Variants in MRTFB observed in about 807,000 individuals in gnomAD.
The protein encoded by MRTFB is myocardin-related transcription factor B.
Under a neutral mutation model 104.2 loss-of-function variants are expected in MRTFB, and 29 were observed. The observed-to-expected ratio is 0.28, with a 90% CI of 0.21 to 0.38. The LOEUF (loss-of-function observed/expected upper bound fraction) is 0.38, where lower values mean the gene tolerates loss of function less well. Ranked by LOEUF, MRTFB falls within the 10% of genes least tolerant of loss-of-function variation. The pLI is 1.00. For missense variants in MRTFB, 1,270 were observed against 1,341.6 expected, an observed-to-expected ratio of 0.95 and a Z score of 0.83; for synonymous variants, 535 against 519.5, an observed-to-expected ratio of 1.03 and a Z score of -0.41.
At chr16:14,089,798 T>C (rs2034942053) in intron 2 of MRTFB, among the ~76,000 whole-genome samples, 1 of 152,210 alleles carries the variant, frequency 6.6e-6, no homozygotes, top group South Asian at 2.1e-4. Flanking sequence ...TGGCAACACT[T>C]TTCCATGATT....
intron 2 of MRTFB, among the ~76,000 whole-genome samples, chr16:14,120,842 G>T (rs1177173993): frequency 6.6e-6 from 1 of 152,122 alleles, no homozygotes; most frequent in East Asian, 1.9e-4. Context: ...AGAACTCTGA[G>T]GACACAGGTA....
chr16:14,210,974 A>G (rs1057445150), intron 4 of MRTFB, among the ~76,000 whole-genome samples: 14 of 152,142 alleles, frequency 9.2e-5, no homozygotes, highest in Non-Finnish European at 2.1e-4. Flanking sequence ...TGTATAGGCC[A>G]TTAGGATTGT....
intron 2 of MRTFB, among the ~76,000 whole-genome samples, chr16:14,090,772 T>C (rs1410039601): frequency 1.3e-5 from 2 of 152,138 alleles, no homozygotes; most frequent in Non-Finnish European, 2.9e-5. Flanking sequence ...TATCTAGGAT[T>C]ATTGATATAA....
At chr16:14,045,013 T>G in the MRTFB span, among the ~76,000 whole-genome samples, 1 of 152,176 alleles carries the variant, frequency 6.6e-6, no homozygotes, top group African/African-American at 2.4e-5. Context: ...AAATTTCATC[T>G]GGGGTCTGGT....
chr16:14,048,292 T>C, the MRTFB span, among the ~76,000 whole-genome samples: 9 of 152,048 alleles, frequency 5.9e-5, no homozygotes, highest in Admixed American at 1.3e-4. Context: ...CCACAGGAAA[T>C]ACAATGGAAG....
chr16:14,006,113 C>G, the MRTFB span, among the ~76,000 whole-genome samples: 1 of 152,054 alleles, frequency 6.6e-6, no homozygotes, highest in Admixed American at 6.6e-5. Flanking sequence ...GAGGCTGAAG[C>G]GGGTGGATCA....
intron 2 of MRTFB, among the ~76,000 whole-genome samples, chr16:14,138,318 A>C (rs2037827190): frequency 1.3e-5 from 2 of 152,186 alleles, no homozygotes; most frequent in South Asian, 4.1e-4. Context: ...CTACATGTTT[A>C]CTATTCCTGA....
At chr16:14,168,889 A>G (rs1056109646) in intron 3 of MRTFB, among the ~76,000 whole-genome samples, 4 of 151,944 alleles carry the variant, frequency 2.6e-5, no homozygotes, top group South Asian at 2.1e-4. Flanking sequence ...CATTTTAACC[A>G]TTTCTGTGGG....
At chr16:14,006,708 CTT>C in the MRTFB span, among the ~76,000 whole-genome samples, 18,738 of 147,172 alleles carry the variant, frequency 0.13, 1,809 homozygotes, top group African/African-American at 0.27. Flanking sequence ...CCATATGCAA[CTT>C]TTTTTTTTTT....
chr16:14,119,809 C>T (rs1291100969), intron 2 of MRTFB, among the ~76,000 whole-genome samples: 2 of 151,984 alleles, frequency 1.3e-5, no homozygotes, highest in Non-Finnish European at 2.9e-5. Context: ...AAATAATGGC[C>T]TCGCATAGCA....
chr16:14,171,794 CTT>C (rs1204873892), intron 3 of MRTFB, among the ~76,000 whole-genome samples: 1 of 152,082 alleles, frequency 6.6e-6, no homozygotes, highest in African/African-American at 2.4e-5. Context: ...AACATGTGAA[CTT>C]TATGGTTTGT....
At chr16:14,080,865 C>T (rs62034418) in intron 2 of MRTFB, among the ~76,000 whole-genome samples, 1 of 152,158 alleles carries the variant, frequency 6.6e-6, no homozygotes, top group African/African-American at 2.4e-5. Context: ...AATAGTACTC[C>T]GTTGTGTATA....
the MRTFB span, among the ~76,000 whole-genome samples, chr16:14,034,000 A>G: frequency 1.3e-5 from 2 of 152,142 alleles, no homozygotes; most frequent in Non-Finnish European, 2.9e-5. Context: ...GTGTGTGGCT[A>G]TGAGTGCAGG....
the MRTFB span, among the ~76,000 whole-genome samples, chr16:14,001,471 C>T: frequency 3.3e-5 from 5 of 152,204 alleles, no homozygotes; most frequent in African/African-American, 9.6e-5. Flanking sequence ...AACCCATCAC[C>T]GTACCCAAAG....
At position 14,265,712 on chromosome 16, in the gene MRTFB, A is replaced by T. The variant is rs1048086585; in HGVS notation, c.*4268A>T. The T allele has an allele frequency of 1.3e-5, 2 of 152,200 alleles. No individual in the cohort carries two copies. Among genetic ancestry groups the T allele is most frequent in the African/African-American group, 4.8e-5 (2 of 41,446 alleles). The allele number at this position is 152,200 out of a possible 1,614,324, so 9.4% of individuals were successfully genotyped here. A position where few individuals can be genotyped will look rare whatever the true frequency, so the allele number is the denominator to read the frequency against. ...TGAAATCTTTCATGGAAGGCCTACA[A>T]TTCGAAAAGCTGCACATGTTTACAG... On this transcript the variant is annotated 3_prime_UTR_variant, in exon 17 of 17. Coordinates refer to ENST00000571589, the MANE Select transcript of MRTFB (RefSeq NM_001308142.2).
intron 3 of MRTFB, chr16:14,200,647 A>C (rs774951704): frequency 3.2e-6 from 5 of 1,566,326 alleles, no homozygotes; most frequent in Non-Finnish European, 4.4e-6. Flanking sequence ...ACGTTGATGA[A>C]GATGGAAAGA....
At chr16:14,130,438 T>G (rs983710712) in intron 2 of MRTFB, among the ~76,000 whole-genome samples, 1 of 152,182 alleles carries the variant, frequency 6.6e-6, no homozygotes, top group Non-Finnish European at 1.5e-5. Flanking sequence ...TCCTAGAAAA[T>G]CAATTCCTGG....
intron 2 of MRTFB, among the ~76,000 whole-genome samples, chr16:14,101,684 G>T (rs1177350386): frequency 6.6e-6 from 1 of 152,110 alleles, no homozygotes; most frequent in Admixed American, 6.6e-5. Flanking sequence ...TTGAAGAGGA[G>T]GAAAACTTGG....
At chr16:14,222,951 C>T (rs1567184964) in intron 8 of MRTFB, among the ~76,000 whole-genome samples, 1 of 151,814 alleles carries the variant, frequency 6.6e-6, no homozygotes, top group African/African-American at 2.4e-5. Context: ...GAAGCTGAGG[C>T]AGGAGGATTA....
Sources: allele counts gnomAD v4.1 joint callset (sites outside exome capture counted in the v4.1 genomes callset), GRCh38; gene constraint gnomAD v4.1.1; transcripts MANE v1.5; gene names NCBI Gene and HGNC (gene_info 2026-07-23, HGNC 2026-07-21).